NEK9: variants seen among roughly 807,000 people sequenced by gnomAD.
NEK9 encodes NIMA related kinase 9.
Under a neutral mutation model 123.4 loss-of-function variants are expected in NEK9, and 75 were observed. The observed-to-expected ratio is 0.61, with a 90% CI of 0.50 to 0.74. The LOEUF (loss-of-function observed/expected upper bound fraction) is 0.74, where lower values mean the gene tolerates loss of function less well. Among genes scored for constraint, NEK9 ranks in the 30% least tolerant of loss-of-function variants. NEK9 has a pLI of 0.00. For missense variants in NEK9, 952 were observed against 1,214.4 expected, an observed-to-expected ratio of 0.78 and a Z score of 3.21; for synonymous variants, 438 against 458.7, an observed-to-expected ratio of 0.95 and a Z score of 0.58.
chr14:75,124,582 T>C (rs1294352769), intron 1 of NEK9, among the ~76,000 whole-genome samples: 1 of 152,114 alleles, frequency 6.6e-6, no homozygotes, highest in African/African-American at 2.4e-5. Context: ...AGCAGAGAAC[T>C]GGGGAGCAAT....
Position 75,107,498 on chromosome 14 carries a change from A to C in NEK9, c.1183-11T>G. The C allele has an allele frequency of 1.9e-6, 3 of 1,579,454 alleles. No individual in the cohort carries two copies. The highest frequency in any genetic ancestry group is 2.6e-6 in the Non-Finnish European group (3 of 1,168,716). On this transcript the variant is annotated splice_polypyrimidine_tract_variant and intron_variant, in intron 10 of 21. Transcript: ENST00000238616. ...GCCTCCTTGCATGTTCTGTGAAATA[A>C]AGAGGTCTTATGACTTTTTTTTTTA... is the stretch of plus-strand genomic sequence containing the variant.
intron 13 of NEK9, among the ~76,000 whole-genome samples, chr14:75,104,488 CTT>C (rs56719668): frequency 7.0e-6 from 1 of 142,384 alleles, no homozygotes. Context: ...TTCTTTTCTT[CTT>C]TTTTTTTTTG....
In NEK9 at chr14:75,100,985, G is replaced by A. The variant is rs1418527306; in HGVS notation, c.2002+7C>T. On this transcript the variant is annotated splice_region_variant and intron_variant, in intron 16 of 21. Transcript: ENST00000238616. ...CAGAAAGCTTGAAATGATATGTACA[G>A]ACTCACCATCAGTGGCAGCAATGGT... 6.2e-7 allele frequency: 1 copy of A among 1,613,852 alleles called. No homozygotes were observed. Among genetic ancestry groups the A allele is most frequent in the Non-Finnish European group, 8.5e-7 (1 of 1,179,826 alleles).
At position 75,084,453 on chromosome 14, in the gene NEK9, G is replaced by A. The variant is rs891862397; in HGVS notation, c.*111C>T. On this transcript the variant is annotated 3_prime_UTR_variant, in exon 22 of 22. Coordinates refer to ENST00000238616, the MANE Select transcript of NEK9 (RefSeq NM_033116.6). The stretch of plus-strand genomic sequence containing the variant: ...AAGTGCTTCAGAGCCTCTGCCTTGC[G>A]CTCCTTTTCTGCAAGTGAACAAAGC... The A allele has an allele frequency of 1.3e-4, 172 of 1,319,344 alleles. 2 individuals are homozygous for A. The Admixed American group carries it at 3.3e-3, about 25-fold the overall frequency. 81.7% of individuals were successfully genotyped at this position (1,319,344 alleles called of 1,614,324 possible).
chr14:75,105,752 C>G lies in NEK9; in HGVS notation c.1575+198G>C, dbSNP rs116839801. 2.9e-3 allele frequency among the ~76,000 whole-genome samples: 440 copies of G among 152,328 alleles called. 2 individuals are homozygous for G. The highest frequency in any genetic ancestry group is 0.01 in the African/African-American group (424 of 41,566). ...ACAATGTCCACAGTCGCTGTATCCA[C>G]TTTCTCAATTTTCTGTGATTTGGTC... On this transcript the variant is annotated intron_variant, in intron 13 of 21. Transcript: ENST00000238616.
rs1164119393 is a variant in NEK9, at chr14:75,082,166, C to G, written c.*2398G>C. 1 of 152,192 alleles carries G rather than the reference C, an allele frequency of 6.6e-6. No individual in the cohort carries two copies. The highest frequency in any genetic ancestry group is 1.9e-4 in the East Asian group (1 of 5,206). The allele number at this position is 152,192 out of a possible 1,614,324, so 9.4% of individuals were successfully genotyped here. ...TTAAAACAGAAATGCCAAACCACTC[C>G]ACTCTCAACCTTTCAAGCAACCTGG... is the stretch of plus-strand genomic sequence containing the variant. On this transcript the variant is annotated 3_prime_UTR_variant, in exon 22 of 22. Transcript: ENST00000238616.
chr14:75,127,151 C>T (rs1895571150), upstream of NEK9: 5 of 469,222 alleles, frequency 1.1e-5, no homozygotes, highest in South Asian at 1.7e-4. Flanking sequence ...GCCAAGGCTT[C>T]CCGCTTTCGG....
At chr14:75,100,210 G>A (rs1327551903) in intron 16 of NEK9, among the ~76,000 whole-genome samples, 1 of 149,094 alleles carries the variant, frequency 6.7e-6, no homozygotes, top group Non-Finnish European at 1.5e-5. Flanking sequence ...ACTTTGGGAG[G>A]CCGAGGCAAG....
intron 6 of NEK9, 142 bp from the exon 7 acceptor site, chr14:75,114,455 A>T: frequency 1.5e-6 from 1 of 653,904 alleles, no homozygotes; most frequent in Non-Finnish European, 2.7e-6. Flanking sequence ...ACTAGTATGC[A>T]TCAAAAAAAA....
Position 75,087,019 on chromosome 14 carries a change from T to G in NEK9, c.2816A>C (p.Gln939Pro), listed in dbSNP as rs1423858221. 1.2e-6 allele frequency: 2 copies of G among 1,613,896 alleles called. No individual in the cohort carries two copies. Among genetic ancestry groups the G allele is most frequent in the Admixed American group, 3.3e-5 (2 of 60,038 alleles). The change falls in exon 21 of 22, where the codon CAG (glutamine) becomes CCG (proline). Residue 939 changes from glutamine to proline, a missense_variant and splice_region_variant. By Grantham distance (76) the Gln-to-Pro change is moderately conservative. Transcript: ENST00000238616. ...GGATTATTCTTTTAATGCTCTCACC[T>G]GCTGCCCTCCTTCTAATTTCTTGTT... ...KLNKKLEGGQ[Q>P]VGMHSKGTQT...
At position 75,084,497 on chromosome 14, in the gene NEK9, C is replaced by T. The variant is rs1893956531; in HGVS notation, c.*67G>A. On this transcript the variant is annotated 3_prime_UTR_variant, in exon 22 of 22. Transcript: ENST00000238616. ...ACAAAGCCAGGAAAGCTGCTCTCTG[C>T]ATTCGGTAAGTGTGCTGTGAAGTTC... 6.3e-7 allele frequency: 1 copy of T among 1,586,232 alleles called. No individual in the cohort carries two copies. Among genetic ancestry groups the T allele is most frequent in the Non-Finnish European group, 8.6e-7 (1 of 1,160,440 alleles).
At chr14:75,098,690 G>A (rs934058536) in intron 16 of NEK9, among the ~76,000 whole-genome samples, 1 of 152,120 alleles carries the variant, frequency 6.6e-6, no homozygotes, top group Non-Finnish European at 1.5e-5. Flanking sequence ...TATTCCTAGA[G>A]CCTAAAAGAG....
chr14:75,126,495 TTAGGACAATCAAAAA>T (rs1895530418), intron 1 of NEK9, among the ~76,000 whole-genome samples, 193 bp downstream of exon 1: 1 of 152,216 alleles, frequency 6.6e-6, no homozygotes, highest in Non-Finnish European at 1.5e-5. Context: ...GTTAGGTGAC[TTAGGACAATCAAAAA>T]TGACTAGTCA....
intron 13 of NEK9, 24 bp from the exon 14 acceptor site, chr14:75,104,021 G>C: frequency 6.3e-7 from 1 of 1,597,616 alleles, no homozygotes; most frequent in Non-Finnish European, 8.5e-7. Context: ...ATCAGAAAAA[G>C]AAATCCCAAA....
rs372471020 is a variant in NEK9, at chr14:75,103,828, A to G, written c.1731+14T>C. 126 of 1,603,074 alleles carry G rather than the reference A, an allele frequency of 7.9e-5. No homozygotes were observed. Among genetic ancestry groups the G allele is most frequent in the Non-Finnish European group, 9.4e-5 (111 of 1,175,022 alleles). ...TTCTGATGATGTGGTTAGAACACCA[A>G]TCAGGACACTCACTTCATGGTTGAT... On this transcript the variant is annotated intron_variant, in intron 14 of 21. Coordinates refer to ENST00000238616, the MANE Select transcript of NEK9 (RefSeq NM_033116.6).
chr14:75,093,524 G>C (rs924561032), intron 18 of NEK9, among the ~76,000 whole-genome samples: 5 of 152,126 alleles, frequency 3.3e-5, no homozygotes, highest in Non-Finnish European at 5.9e-5. Flanking sequence ...CGCAATCGTG[G>C]CTCACTGCAA....
rs1366301950 is a variant in NEK9 at position 75,084,522 on chromosome 14, C to G, written c.*42G>C. 6.2e-7 allele frequency: 1 copy of G among 1,611,360 alleles called. No homozygotes were observed. The highest frequency in any genetic ancestry group is 2.2e-5 in the East Asian group (1 of 44,870). Reference sequence around the variant, plus strand: ...CATTCGGTAAGTGTGCTGTGAAGTTCTTTGGGTCCCAGTCTCCTGGGGGCT... The same window carrying G: ...CATTCGGTAAGTGTGCTGTGAAGTTGTTTGGGTCCCAGTCTCCTGGGGGCT... On this transcript the variant is annotated 3_prime_UTR_variant, in exon 22 of 22. Transcript: ENST00000238616.
At chr14:75,088,343 G>A (rs924060481) in intron 20 of NEK9, 137 bp downstream of exon 20, 13 of 782,180 alleles carry the variant, frequency 1.7e-5, no homozygotes, top group Admixed American at 1.3e-4. Context: ...GAGGCTTTAA[G>A]TACTGCTGAA....
At chr14:75,123,306 CAGG>C (rs1387883038) in intron 2 of NEK9, among the ~76,000 whole-genome samples, 1 of 152,038 alleles carries the variant, frequency 6.6e-6, no homozygotes, top group African/African-American at 2.4e-5. Flanking sequence ...GAGGCTGAGG[CAGG>C]AGAATTGCTT....
Sources: allele counts gnomAD v4.1 joint callset (sites outside exome capture counted in the v4.1 genomes callset), GRCh38; gene constraint gnomAD v4.1.1; transcripts MANE v1.5; gene names NCBI Gene and HGNC (gene_info 2026-07-23, HGNC 2026-07-21).